Variants in NPRL3 observed in about 807,000 individuals in gnomAD.
The protein encoded by NPRL3 is GATOR1 complex protein NPRL3.
In NPRL3, 23 loss-of-function variants were observed where a neutral mutation model predicts 57.2. That is an observed-to-expected ratio of 0.40 (90% CI 0.29 to 0.57). The LOEUF (loss-of-function observed/expected upper bound fraction) is 0.57, where lower values mean the gene tolerates loss of function less well. Among genes scored for constraint, NPRL3 ranks in the 20% least tolerant of loss-of-function variants. The pLI is 0.42. For missense variants in NPRL3, 691 were observed against 767.1 expected, an observed-to-expected ratio of 0.90 and a Z score of 1.17; for synonymous variants, 333 against 321.1, an observed-to-expected ratio of 1.04 and a Z score of -0.39.
At chr16:107,212 G>C (rs1325428451) in intron 7 of NPRL3, among the ~76,000 whole-genome samples, 1 of 152,192 alleles carries the variant, frequency 6.6e-6, no homozygotes, top group Non-Finnish European at 1.5e-5. Context: ...ATATCCACTA[G>C]GTGGCGCTGG....
At chr16:105,582 A>G (rs887357871) in intron 7 of NPRL3, among the ~76,000 whole-genome samples, 4 of 152,206 alleles carry the variant, frequency 2.6e-5, no homozygotes, top group African/African-American at 9.6e-5. Context: ...GCTCCGCACC[A>G]AGTACCACCT....
intron 2 of NPRL3, 45 bp downstream of exon 2, chr16:138,105 A>T (rs770475581): frequency 1.5e-5 from 22 of 1,475,224 alleles, no homozygotes; most frequent in Non-Finnish European, 1.9e-5. Context: ...CCCCGGAATG[A>T]GGCGGCCCCC....
intron 9 of NPRL3, among the ~76,000 whole-genome samples, chr16:95,378 CACACACAA>C (rs1357871193): frequency 4.8e-5 from 5 of 104,178 alleles, no homozygotes; most frequent in Admixed American, 2.2e-4. Context: ...CACACACACA[CACACACAA>C]TAAAATGTAT....
At chr16:89,951 C>T (rs1320268958) in intron 11 of NPRL3, 49 bp from the exon 12 acceptor site, 2 of 1,501,250 alleles carry the variant, frequency 1.3e-6, no homozygotes, top group Non-Finnish European at 1.8e-6. Context: ...CTCCAACTTC[C>T]TCCTGGGTGA....
chr16:137,726 T>A (rs1011663706), intron 2 of NPRL3, among the ~76,000 whole-genome samples: 1 of 151,816 alleles, frequency 6.6e-6, no homozygotes, highest in African/African-American at 2.4e-5. Flanking sequence ...ATTTGTTTTT[T>A]TTTATTTTTA....
At chr16:136,844 T>A (rs1382033660) in intron 2 of NPRL3, among the ~76,000 whole-genome samples, 1 of 151,940 alleles carries the variant, frequency 6.6e-6, no homozygotes, top group Non-Finnish European at 1.5e-5. Context: ...TAATCTAAAC[T>A]CCTTTGTATC....
intron 2 of NPRL3, among the ~76,000 whole-genome samples, chr16:134,104 A>G (rs956357355): frequency 6.6e-6 from 1 of 152,194 alleles, no homozygotes; most frequent in Non-Finnish European, 1.5e-5. Flanking sequence ...AACACCACCC[A>G]GAGACACAAA....
intron 6 of NPRL3, among the ~76,000 whole-genome samples, chr16:111,354 C>G (rs1401264349): frequency 6.6e-6 from 1 of 151,978 alleles, no homozygotes. Flanking sequence ...GAGCAGAGAT[C>G]ACACCACTGC....
intron 2 of NPRL3, among the ~76,000 whole-genome samples, chr16:135,633 CAT>C (rs1482503116): frequency 7.4e-5 from 10 of 135,574 alleles, no homozygotes; most frequent in Admixed American, 6.7e-4. Context: ...AAAAAAAAGA[CAT>C]AAACAGTCTG....
chr16:115,380 A>G (rs1490512902), intron 5 of NPRL3, among the ~76,000 whole-genome samples: 2 of 145,194 alleles, frequency 1.4e-5, no homozygotes, highest in Non-Finnish European at 3.1e-5. Context: ...TATATTTTAA[A>G]AAGAAAGACT....
chr16:129,590 G>A (rs1321955125), intron 3 of NPRL3, among the ~76,000 whole-genome samples: 2 of 152,182 alleles, frequency 1.3e-5, no homozygotes, highest in Non-Finnish European at 2.9e-5. Context: ...GCCAAGGAAG[G>A]AAAATCACTT....
At position 112,612 on chromosome 16, in the gene NPRL3, C is replaced by T. The variant is rs535609281; in HGVS notation, c.547+10G>A. 1 of 1,563,708 alleles carries T rather than the reference C, an allele frequency of 6.4e-7. No individual in the cohort carries two copies. Among genetic ancestry groups the T allele is most frequent in the Non-Finnish European group, 8.7e-7 (1 of 1,151,110 alleles). ...CCAGACCCATGCCCATCACGCCCTG[C>T]TGCACTCACCATCAGCCATGGCGGA... is the stretch of plus-strand genomic sequence containing the variant. On this transcript the variant is annotated intron_variant, in intron 6 of 13. Transcript: ENST00000611875.
chr16:98,548 T>G (rs1899130208), intron 8 of NPRL3, among the ~76,000 whole-genome samples: 1 of 151,828 alleles, frequency 6.6e-6, no homozygotes, highest in Non-Finnish European at 1.5e-5. Context: ...GGTATGCACC[T>G]GGGACACAAA....
intron 10 of NPRL3, 157 bp downstream of exon 10, chr16:93,062 T>C (rs894477561): frequency 1.5e-6 from 1 of 646,492 alleles, no homozygotes; most frequent in Non-Finnish European, 2.8e-6. Context: ...GACCTGGGTA[T>C]GCTAGTGGCC....
intron 9 of NPRL3, among the ~76,000 whole-genome samples, chr16:95,799 G>A (rs1323683190): frequency 6.6e-6 from 1 of 152,080 alleles, no homozygotes; most frequent in Non-Finnish European, 1.5e-5. Flanking sequence ...TGACCTCCTG[G>A]GCTTAGGCAA....
intron 3 of NPRL3, among the ~76,000 whole-genome samples, chr16:130,092 C>T (rs190859582): frequency 6.6e-6 from 1 of 152,274 alleles, no homozygotes; most frequent in Non-Finnish European, 1.5e-5. Context: ...CCCCACTGCC[C>T]ATATCACCAC....
At chr16:86,945 G>C (rs969927616) in intron 13 of NPRL3, 75 bp from the exon 14 acceptor site, 9 of 1,451,280 alleles carry the variant, frequency 6.2e-6, no homozygotes, top group Admixed American at 2.0e-5. Context: ...CCACTGCTGG[G>C]AATCAGCTCT....
In NPRL3 at chr16:86,704, C is replaced by A. The variant is rs980042467; in HGVS notation, c.*1G>T. 6.4e-7 allele frequency: 1 copy of A among 1,551,276 alleles called. No homozygotes were observed. The highest frequency in any genetic ancestry group is 8.7e-7 in the Non-Finnish European group (1 of 1,147,692). On this transcript the variant is annotated 3_prime_UTR_variant, in exon 14 of 14. Transcript: ENST00000611875. The stretch of plus-strand genomic sequence containing the variant: ...AGCAGCCTTCCGCCCTCCGCCTGGG[C>A]TCAGGGGAGCAGAGCCTGGAAGACG...
chr16:107,281 G>T lies in NPRL3; in HGVS notation c.629+3244C>A, dbSNP rs1899574899. Among the ~76,000 whole-genome samples, 8 of 152,146 alleles carry T rather than the reference G, an allele frequency of 5.3e-5. No individual in the cohort carries two copies. The South Asian group carries it at 1.4e-3, about 28-fold the overall frequency. On this transcript the variant is annotated intron_variant, in intron 7 of 13. Transcript: ENST00000611875. Reference sequence around the variant, plus strand: ...CAGATCACACAACAGGCAGTCCAAGGTTTTGTCTCCTTTCAACTTTCCAGC... The same window carrying T: ...CAGATCACACAACAGGCAGTCCAAGTTTTTGTCTCCTTTCAACTTTCCAGC...
Sources: gnomAD v4.1 joint callset for allele counts (sites outside exome capture counted in the v4.1 genomes callset) on GRCh38, gnomAD v4.1.1 for gene constraint, MANE v1.5 for transcripts, NCBI Gene and HGNC (gene_info 2026-07-23, HGNC 2026-07-21) for gene names.